Variants in CD109 observed in about 807,000 individuals in gnomAD.
CD109 encodes CD109 antigen.
A neutral mutation model predicts 165.8 loss-of-function variants in CD109; 149 were observed. The observed-to-expected ratio is 0.90, with a 90% CI of 0.79 to 1.03. CD109 has a LOEUF of 1.03. Among genes scored for constraint, CD109 ranks in the 50% least tolerant of loss-of-function variants. The probability of loss-of-function intolerance (pLI) is 0.00; values close to 1 mark genes in which losing one functional copy is unlikely to be tolerated. For missense variants in CD109, 1,712 were observed against 1,677.8 expected (o/e 1.02, Z -0.36); for synonymous variants, 585 against 592.1 (o/e 0.99, Z 0.18).
chr6:73,761,917 TC>T (rs1179310864), intron 7 of CD109, among the ~76,000 whole-genome samples: 8 of 152,160 alleles, frequency 5.3e-5, no homozygotes, highest in Non-Finnish European at 1.0e-4. Flanking sequence ...TTTAAAATTT[TC>T]TCTTTTTAGT....
At chr6:73,713,144 AG>A (rs1228161878) in intron 2 of CD109, among the ~76,000 whole-genome samples, 4 of 152,182 alleles carry the variant, frequency 2.6e-5, no homozygotes, top group Non-Finnish European at 5.9e-5. Flanking sequence ...CTAAATGAAT[AG>A]AACTTTCAAA....
At chr6:73,725,601 C>T (rs899660161) in intron 3 of CD109, among the ~76,000 whole-genome samples, 12 of 145,146 alleles carry the variant, frequency 8.3e-5, no homozygotes, top group Admixed American at 2.9e-4. Context: ...CTCCGTTTCC[C>T]GGATTCAAGA....
At chr6:73,790,185 A>C (rs7762080) in intron 22 of CD109, among the ~76,000 whole-genome samples, 56,036 of 148,148 alleles carry the variant, frequency 0.38, 10,717 homozygotes, top group African/African-American at 0.46. Context: ...ACCACCGCCT[A>C]CTGGGTTTAA....
upstream of CD109, among the ~76,000 whole-genome samples, chr6:73,692,091 C>A (rs1021884906): frequency 4.6e-5 from 7 of 152,072 alleles, no homozygotes; most frequent in Non-Finnish European, 7.3e-5. Context: ...CATGAAGATT[C>A]ACTATCGCAA....
rs775042813 is a variant in CD109, at chr6:73,762,816, G to C, written c.931G>C (p.Glu311Gln). ...AATGGATTCTTCAAATGGACTTTCT[G>C]AATACCTGGATCTATCTTCCCCTGG... is the stretch of plus-strand genomic sequence containing the variant. ...NVMDSSNGLSEYLDLSSPGPV... is the reference protein window; with the variant it reads ...NVMDSSNGLSQYLDLSSPGPV... Residue 311 changes from glutamate to glutamine, a missense_variant, in exon 9 of 33, where the codon GAA becomes CAA. By Grantham distance (29) the Glu-to-Gln change is conservative. Coordinates refer to ENST00000287097, the MANE Select transcript of CD109 (RefSeq NM_133493.5). 3.1e-6 allele frequency: 5 copies of C among 1,612,200 alleles called. No individual in the cohort carries two copies. The South Asian group carries it at 4.4e-5, about 14-fold the overall frequency.
intron 23 of CD109, among the ~76,000 whole-genome samples, chr6:73,796,866 C>T (rs1775183710): frequency 6.6e-6 from 1 of 152,158 alleles, no homozygotes; most frequent in African/African-American, 2.4e-5. Context: ...TGGTGAAAGT[C>T]AGCACAGTGG....
At chr6:73,687,400 C>T in the CD109 span, among the ~76,000 whole-genome samples, 90 of 151,544 alleles carry the variant, frequency 5.9e-4, no homozygotes, top group African/African-American at 2.1e-3. Flanking sequence ...CTCTCTCCTT[C>T]CTTCCTTCTT....
intron 16 of CD109, among the ~76,000 whole-genome samples, chr6:73,780,724 T>G: frequency 7.6e-6 from 1 of 131,338 alleles, no homozygotes; most frequent in African/African-American, 3.0e-5. Flanking sequence ...ATTAAACAAA[T>G]AATTTTTCCT....
chr6:73,823,714 C>A lies in CD109; in HGVS notation c.*81C>A. ...GTTTTGTTTTCGTAGAAGAATACTG[C>A]TTCTATTTTGAAAAAAGAGTTTTTT... On this transcript the variant is annotated 3_prime_UTR_variant, in exon 33 of 33. Coordinates refer to ENST00000287097, the MANE Select transcript of CD109 (RefSeq NM_133493.5). 1 of 1,331,926 alleles carries A rather than the reference C, an allele frequency of 7.5e-7. No homozygotes were observed. Among genetic ancestry groups the A allele is most frequent in the Non-Finnish European group, 1.0e-6 (1 of 972,638 alleles). 82.5% of individuals were successfully genotyped at this position (1,331,926 alleles called of 1,614,324 possible).
At chr6:73,691,781 G>A (rs1770696441), upstream of CD109, among the ~76,000 whole-genome samples, 1 of 152,126 alleles carries the variant, frequency 6.6e-6, no homozygotes, top group Non-Finnish European at 1.5e-5. Context: ...CTCACTCATA[G>A]TGGTTCTGCC....
rs1394588497 is a variant in CD109, at chr6:73,720,210, C to G, written c.248-3041C>G. ...AAAAAGAAGGAGGTCTTGTCATTTT[C>G]AGTGACATGGATGAACTTGGAGGAC... On this transcript the variant is annotated intron_variant, in intron 2 of 32. Coordinates refer to ENST00000287097, the MANE Select transcript of CD109 (RefSeq NM_133493.5). Among the ~76,000 whole-genome samples the G allele has an allele frequency of 2.6e-5, 4 of 152,052 alleles. No individual in the cohort carries two copies. The South Asian group carries it at 6.2e-4, about 24-fold the overall frequency.
At chr6:73,743,058 T>A (rs1389387047) in intron 5 of CD109, among the ~76,000 whole-genome samples, 3 of 152,234 alleles carry the variant, frequency 2.0e-5, no homozygotes, top group African/African-American at 7.2e-5. Flanking sequence ...TCTGATTTAT[T>A]CTTTGAATTC....
the CD109 span, among the ~76,000 whole-genome samples, chr6:73,686,732 C>A: frequency 6.6e-6 from 1 of 152,144 alleles, no homozygotes; most frequent in African/African-American, 2.4e-5. Context: ...TTCTGTGTTG[C>A]CCAGGCTGGA....
intron 31 of CD109, 88 bp downstream of exon 31, chr6:73,818,623 A>T: frequency 8.0e-7 from 1 of 1,244,268 alleles, no homozygotes; most frequent in Non-Finnish European, 1.1e-6. Flanking sequence ...GTTTTCTTTA[A>T]TTCATTGTTA....
intron 17 of CD109, 83 bp from the exon 18 acceptor site, chr6:73,782,527 GTGAT>G (rs1774544522): frequency 7.6e-7 from 1 of 1,309,212 alleles, no homozygotes; most frequent in Non-Finnish European, 1.1e-6. Context: ...GACACCTCAA[GTGAT>G]TGACATTCAT....
chr6:73,817,125 A>T (rs1775965666), intron 30 of CD109, among the ~76,000 whole-genome samples: 1 of 152,212 alleles, frequency 6.6e-6, no homozygotes, highest in South Asian at 2.1e-4. Flanking sequence ...TAAAAAGATT[A>T]CTTGATATTT....
chr6:73,707,300 A>G (rs1389091437), intron 2 of CD109, among the ~76,000 whole-genome samples: 1 of 152,198 alleles, frequency 6.6e-6, no homozygotes, highest in East Asian at 1.9e-4. Context: ...ATGGTCTAAG[A>G]GGAACGGTTA....
At chr6:73,765,546 G>GCT (rs1773801262) in intron 10 of CD109, among the ~76,000 whole-genome samples, 1 of 152,086 alleles carries the variant, frequency 6.6e-6, no homozygotes, top group African/African-American at 2.4e-5. Context: ...GGGAATTTTG[G>GCT]CTTTAGGGTA....
rs1773873211 is a variant in CD109 at position 73,766,856 on chromosome 6, T to C, written c.1430T>C (p.Ile477Thr). 1.2e-6 allele frequency: 2 copies of C among 1,610,172 alleles called. No individual in the cohort carries two copies. The highest frequency in any genetic ancestry group is 3.3e-5 in the Admixed American group (2 of 59,968). Residue 477 changes from isoleucine to threonine, a missense_variant, in exon 12 of 33, where the codon ATA becomes ACA. By Grantham distance (89) the Ile-to-Thr change is moderately conservative. Coordinates refer to ENST00000287097, the MANE Select transcript of CD109 (RefSeq NM_133493.5). Reference sequence around the variant, plus strand: ...CAACTAAAAACAAGAGATGAAAATATAAAGGTAATGCTTACAATTCACTTG... The same window carrying C: ...CAACTAAAAACAAGAGATGAAAATACAAAGGTAATGCTTACAATTCACTTG... The part of the protein sequence containing the change: ...YIQLKTRDEN[I>T]KVGSPFELVV...
Sources: gnomAD v4.1 joint callset for allele counts (sites outside exome capture counted in the v4.1 genomes callset) on GRCh38, gnomAD v4.1.1 for gene constraint, MANE v1.5 for transcripts, NCBI Gene and HGNC (gene_info 2026-07-23, HGNC 2026-07-21) for gene names.